The following RUFY1 variants were observed in gnomAD, a reference collection of about 807,000 sequenced individuals.
RUFY1 encodes RUN and FYVE domain containing 1, also known as RUN and FYVE domain-containing protein 1.
RUFY1 carries 54 observed loss-of-function variants against 94.6 expected under a neutral mutation model. The ratio of observed to expected loss-of-function variants is 0.57; its 90% CI spans 0.46 to 0.72. The LOEUF is 0.72. Ranked by LOEUF, RUFY1 falls within the 30% of genes least tolerant of loss-of-function variation. The pLI, the probability that RUFY1 is intolerant of heterozygous loss-of-function variation, is 0.00. For synonymous variants in RUFY1, 396 were observed against 347.3 expected (o/e 1.14, Z -1.56); for missense variants, 883 against 883.9 (o/e 1.00, Z 0.01).
At chr5:179,580,642 A>G (rs374749289) in intron 6 of RUFY1, among the ~76,000 whole-genome samples, 13 of 151,600 alleles carry the variant, frequency 8.6e-5, no homozygotes, top group Non-Finnish European at 1.9e-4. Flanking sequence ...CTTCAGTAGT[A>G]TAAGGGTTGT....
At chr5:179,590,113 G>A (rs187656047) in intron 9 of RUFY1, among the ~76,000 whole-genome samples, 20 of 152,218 alleles carry the variant, frequency 1.3e-4, no homozygotes, top group Admixed American at 5.9e-4. Context: ...CAGCACTTTG[G>A]GAGGCCGAGG....
chr5:179,579,849 A>G (rs1395409043), intron 6 of RUFY1, among the ~76,000 whole-genome samples: 1 of 150,750 alleles, frequency 6.6e-6, no homozygotes, highest in Non-Finnish European at 1.5e-5. Flanking sequence ...GTGTATTTTT[A>G]GTAGAGACGA....
intron 15 of RUFY1, among the ~76,000 whole-genome samples, chr5:179,604,557 TC>T (rs147575128): frequency 0.037 from 5,579 of 152,232 alleles, 343 homozygotes; most frequent in African/African-American, 0.13. Flanking sequence ...CAGGGATTTT[TC>T]TAAATGCCCT....
chr5:179,568,420 T>C (rs978513275), intron 4 of RUFY1, among the ~76,000 whole-genome samples: 7 of 152,324 alleles, frequency 4.6e-5, no homozygotes, highest in African/African-American at 9.6e-5. Flanking sequence ...GAGAAATAGA[T>C]ACATTTTACA....
intron 10 of RUFY1, 145 bp downstream of exon 10, chr5:179,591,886 G>T: frequency 2.0e-6 from 1 of 489,506 alleles, no homozygotes; most frequent in Middle Eastern, 3.0e-4. Flanking sequence ...TAAGTCTATG[G>T]TTACAACTCA....
Position 179,585,829 on chromosome 5 carries a change from T to C in RUFY1, c.990T>C (p.Asp330=). ...CTVGDLQTKI[D]GLEKTNSKLQ... is the part of the protein sequence containing the mutation. ...TTGGGGATCTTCAAACCAAGATAGA[T>C]GGCTTGGAAAAGACTAACTCAAAGC... Residue 330 remains aspartate (D), a synonymous_variant, in exon 8 of 18, where the codon GAT becomes GAC. Transcript: ENST00000319449. 2 of 1,614,008 alleles carry C rather than the reference T, an allele frequency of 1.2e-6. No individual in the cohort carries two copies. Among genetic ancestry groups the C allele is most frequent in the East Asian group, 2.2e-5 (1 of 44,888 alleles).
chr5:179,605,728 G>T, intron 15 of RUFY1, 148 bp from the exon 16 acceptor site: 1 of 699,172 alleles, frequency 1.4e-6, no homozygotes, highest in Non-Finnish European at 2.6e-6. Context: ...GGATTGTACA[G>T]AGGCGGAAGG....
chr5:179,556,076 G>A (rs1762103582), intron 1 of RUFY1, among the ~76,000 whole-genome samples: 1 of 152,134 alleles, frequency 6.6e-6, no homozygotes, highest in Non-Finnish European at 1.5e-5. Context: ...TTCTGGCATA[G>A]TGTAAATATT....
chr5:179,552,039 C>T (rs906249070), intron 1 of RUFY1, among the ~76,000 whole-genome samples: 6 of 151,134 alleles, frequency 4.0e-5, no homozygotes, highest in Admixed American at 6.6e-5. Flanking sequence ...TTGGCATGCA[C>T]CTGTAGTCCC....
At chr5:179,576,056 C>T (rs1222254813) in intron 5 of RUFY1, among the ~76,000 whole-genome samples, 5 of 152,188 alleles carry the variant, frequency 3.3e-5, no homozygotes, top group Non-Finnish European at 5.9e-5. Flanking sequence ...GCTGAGATTA[C>T]AGGCATGAGC....
chr5:179,577,158 A>ATTTTTT, intron 6 of RUFY1, 22 bp downstream of exon 6: 1 of 392,406 alleles, frequency 2.5e-6, no homozygotes, highest in Non-Finnish European at 4.1e-6. Flanking sequence ...GTTGTATGTC[A>ATTTTTT]CTTTTTTTTT....
Position 179,562,606 on chromosome 5 carries a change from A to C in RUFY1, c.544A>C (p.Lys182Gln). ...SFFGPLELVE[K>Q]LCPEASDIAT... ...CTTTGGTCCTTTGGAGCTGGTGGAGAAACTTTGTCCAGAAGCATCAGATAT... is the reference window on the plus strand; with the variant it reads ...CTTTGGTCCTTTGGAGCTGGTGGAGCAACTTTGTCCAGAAGCATCAGATAT... The change falls in exon 3 of 18, where the codon AAA (lysine) becomes CAA (glutamine). Residue 182 changes from lysine to glutamine, a missense_variant. By Grantham distance (53) the Lys-to-Gln change is moderately conservative. Transcript: ENST00000319449. The C allele has an allele frequency of 6.2e-7, 1 of 1,612,424 alleles. No homozygotes were observed. Among genetic ancestry groups the C allele is most frequent in the Non-Finnish European group, 8.5e-7 (1 of 1,178,470 alleles).
At chr5:179,588,115 G>A (rs1243899822) in intron 8 of RUFY1, among the ~76,000 whole-genome samples, 1 of 152,140 alleles carries the variant, frequency 6.6e-6, no homozygotes, top group Admixed American at 6.6e-5. Context: ...TCTTCCCTTC[G>A]GGCAAGTAAC....
rs113157637 is a variant in RUFY1 at position 179,560,144 on chromosome 5, C to T, written c.430C>T (p.Pro144Ser). The T allele has an allele frequency of 1.2e-5, 19 of 1,613,894 alleles. No homozygotes were observed. The Admixed American group carries it at 2.5e-4, about 21-fold the overall frequency. Reference protein sequence around the residue: ...LGRSLDADHAPLQQFFVVMEH... With the variant: ...LGRSLDADHASLQQFFVVMEH... Reference sequence around the variant, plus strand: ...CCGCAGCCTGGATGCGGACCATGCCCCCTTGCAGCAGTTCTTTGTAGTGAT... The same window carrying T: ...CCGCAGCCTGGATGCGGACCATGCCTCCTTGCAGCAGTTCTTTGTAGTGAT... The change falls in exon 2 of 18, where the codon CCC becomes TCC. Residue 144 changes from proline to serine, a missense_variant. Coordinates refer to ENST00000319449, the MANE Select transcript of RUFY1 (RefSeq NM_025158.5).
intron 1 of RUFY1, among the ~76,000 whole-genome samples, chr5:179,551,767 C>T (rs529626262): frequency 6.6e-6 from 1 of 150,996 alleles, no homozygotes; most frequent in Non-Finnish European, 1.5e-5. Context: ...CCTGCCTCGG[C>T]CTCGTAAAGT....
At position 179,605,857 on chromosome 5, in the gene RUFY1, G is replaced by A. The variant is rs572413330; in HGVS notation, c.1857-19G>A. On this transcript the variant is annotated intron_variant, in intron 15 of 17. Coordinates refer to ENST00000319449, the MANE Select transcript of RUFY1 (RefSeq NM_025158.5). ...CACTCTCTCTCACTGCTATGAAATG[G>A]CCTTTTTTTTTTCCTTAGGTCCAAG... 2 of 1,567,274 alleles carry A rather than the reference G, an allele frequency of 1.3e-6. No homozygotes were observed. Among genetic ancestry groups the A allele is most frequent in the Admixed American group, 3.3e-5 (2 of 59,768 alleles).
chr5:179,588,932 T>C (rs1248013774), intron 8 of RUFY1, among the ~76,000 whole-genome samples: 1 of 151,994 alleles, frequency 6.6e-6, no homozygotes, highest in Non-Finnish European at 1.5e-5. Flanking sequence ...GGTTTCACCA[T>C]GTTGCCCAGG....
At chr5:179,559,169 T>C (rs977422514) in intron 1 of RUFY1, among the ~76,000 whole-genome samples, 3 of 152,200 alleles carry the variant, frequency 2.0e-5, no homozygotes, top group Admixed American at 6.5e-5. Flanking sequence ...ACTCTTACTT[T>C]GGGATCTAAA....
At chr5:179,603,909 T>C (rs149349668) in intron 15 of RUFY1, among the ~76,000 whole-genome samples, 1 of 151,984 alleles carries the variant, frequency 6.6e-6, no homozygotes, top group Non-Finnish European at 1.5e-5. Flanking sequence ...AATATAAAAT[T>C]AGCCGGGCAT....
Sources: gnomAD v4.1 joint callset for allele counts (sites outside exome capture counted in the v4.1 genomes callset) on GRCh38, gnomAD v4.1.1 for gene constraint, MANE v1.5 for transcripts, NCBI Gene and HGNC (gene_info 2026-07-23, HGNC 2026-07-21) for gene names.